Variants in TET1 observed in about 807,000 individuals in gnomAD.
TET1 encodes tet methylcytosine dioxygenase 1.
Under a neutral mutation model 148.7 loss-of-function variants are expected in TET1, and 13 were observed. The observed-to-expected ratio is 0.09, with a 90% CI of 0.06 to 0.14. The LOEUF is 0.14. Among genes scored for constraint, TET1 ranks in the 10% least tolerant of loss-of-function variants. The probability of loss-of-function intolerance (pLI) is 1.00; values close to 1 mark genes in which losing one functional copy is unlikely to be tolerated. For missense variants in TET1, 2,182 were observed against 2,553.8 expected, an observed-to-expected ratio of 0.85 and a Z score of 3.14; for synonymous variants, 907 against 937.2, an observed-to-expected ratio of 0.97 and a Z score of 0.59.
intron 2 of TET1, among the ~76,000 whole-genome samples, chr10:68,598,679 GT>G (rs35501955): frequency 0.13 from 19,214 of 144,926 alleles, 1,651 homozygotes; most frequent in South Asian, 0.25. Context: ...TATTCATTAG[GT>G]TTTTTTTTTC....
chr10:68,629,136 G>A (rs1292488290), intron 3 of TET1, among the ~76,000 whole-genome samples: 1 of 152,024 alleles, frequency 6.6e-6, no homozygotes, highest in African/African-American at 2.4e-5. Context: ...AGCCTGAGGT[G>A]GGGGGGTCAC....
At chr10:68,590,174 G>A (rs2053903354) in intron 2 of TET1, among the ~76,000 whole-genome samples, 1 of 152,004 alleles carries the variant, frequency 6.6e-6, no homozygotes, top group Non-Finnish European at 1.5e-5. Flanking sequence ...GTGCAGTAGT[G>A]TGATCATGGC....
rs1564975216 is a variant in TET1, at chr10:68,624,683, TCTCTCTCTCTC to T, written c.1969-20014_1969-20004del. On this transcript the variant is annotated intron_variant, in intron 3 of 11. Coordinates refer to ENST00000373644, the MANE Select transcript of TET1 (RefSeq NM_030625.3). Reference sequence around the variant, plus strand: ...TTCTCTCTCTCTCTCTCTCTCTCTCTCTCTCTCTCTCTCTTTCTTTCTTTTCCTTCCTTCTT... The same window carrying T: ...TTCTCTCTCTCTCTCTCTCTCTCTCTTCTTTCTTTCTTTTCCTTCCTTCTT... 3.0e-4 allele frequency among the ~76,000 whole-genome samples: 39 copies of T among 131,558 alleles called. 1 individual carries two copies. The highest frequency in any genetic ancestry group is 1.0e-3 in the South Asian group (4 of 3,910). 86.3% of individuals were successfully genotyped at this position (131,558 alleles called of 152,430 possible). A position where few individuals can be genotyped will look rare whatever the true frequency, so the allele number is the denominator to read the frequency against.
At chr10:68,675,564 ATTT>A (rs11313882) in intron 8 of TET1, among the ~76,000 whole-genome samples, 17 of 131,450 alleles carry the variant, frequency 1.3e-4, no homozygotes, top group Admixed American at 1.6e-4. Flanking sequence ...TATCCACGTC[ATTT>A]TTTTTTTTTT....
At chr10:68,571,446 G>A (rs956076440) in intron 1 of TET1, among the ~76,000 whole-genome samples, 5 of 151,668 alleles carry the variant, frequency 3.3e-5, no homozygotes, top group African/African-American at 1.2e-4. Context: ...TGAGATTATA[G>A]GTGTGCACCA....
At chr10:68,569,637 G>C (rs117050629) in intron 1 of TET1, among the ~76,000 whole-genome samples, 7,090 of 152,146 alleles carry the variant, frequency 0.047, 209 homozygotes, top group South Asian at 0.08. Context: ...ATATATAATG[G>C]CTAGGCATGC....
At chr10:68,685,366 G>A (rs546874010) in intron 10 of TET1, among the ~76,000 whole-genome samples, 134 of 152,000 alleles carry the variant, frequency 8.8e-4, no homozygotes, top group African/African-American at 3.1e-3. Flanking sequence ...TCCAGTCTTC[G>A]CTATCACTGA....
chr10:68,669,474 C>CTTTTTTTTTTTT (rs3085667), intron 7 of TET1, among the ~76,000 whole-genome samples: 11 of 61,614 alleles, frequency 1.8e-4, no homozygotes, highest in South Asian at 1.1e-3. Flanking sequence ...CCATGCCCAG[C>CTTTTTTTTTTTT]TTTTTTTTTT....
chr10:68,685,591 T>C (rs1308350337), intron 10 of TET1, among the ~76,000 whole-genome samples: 1 of 152,142 alleles, frequency 6.6e-6, no homozygotes, highest in African/African-American at 2.4e-5. Context: ...TGTTAGTTTT[T>C]AAAGCAGAAT....
At chr10:68,606,091 G>A (rs371091802) in intron 3 of TET1, among the ~76,000 whole-genome samples, 1 of 152,170 alleles carries the variant, frequency 6.6e-6, no homozygotes, top group African/African-American at 2.4e-5. Context: ...AATAGGCCAG[G>A]TTCGGTGGCT....
rs375179567 is a variant in TET1 at position 68,572,854 on chromosome 10, A to C, written c.516A>C (p.Leu172=). The change falls in exon 2 of 12, where the codon CTA becomes CTC. Residue 172 remains leucine, a synonymous_variant. Transcript: ENST00000373644. ...DTQVLPDIET[L]IGVQNPSLLK... The stretch of plus-strand genomic sequence containing the variant: ...AAGTCCTTCCTGATATAGAGACTCT[A>C]ATTGGTGTACAAAATCCCTCTTTAC... 1.5e-4 allele frequency: 247 copies of C among 1,614,028 alleles called. 1 individual carries two copies. Among genetic ancestry groups the C allele is most frequent in the Non-Finnish European group, 1.3e-4 (158 of 1,180,036 alleles).
At chr10:68,634,400 T>C (rs2054620513) in intron 3 of TET1, among the ~76,000 whole-genome samples, 1 of 152,196 alleles carries the variant, frequency 6.6e-6, no homozygotes. Flanking sequence ...ATCTGTACAA[T>C]CTAAGAAAGT....
At chr10:68,638,765 TTGTGTGTGTG>T (rs59106736) in intron 3 of TET1, among the ~76,000 whole-genome samples, 1,661 of 140,864 alleles carry the variant, frequency 0.012, 19 homozygotes, top group African/African-American at 0.03. Flanking sequence ...TGTATGGAGT[TTGTGTGTGTG>T]TGTGTGTGTG....
At chr10:68,600,203 A>G (rs2054035748) in intron 2 of TET1, among the ~76,000 whole-genome samples, 1 of 152,112 alleles carries the variant, frequency 6.6e-6, no homozygotes, top group South Asian at 2.1e-4. Flanking sequence ...CAGCAAGCCC[A>G]AATGCCCCCC....
At chr10:68,593,398 C>A (rs1339123394) in intron 2 of TET1, among the ~76,000 whole-genome samples, 1 of 151,536 alleles carries the variant, frequency 6.6e-6, no homozygotes, top group Non-Finnish European at 1.5e-5. Context: ...ATTTTAAGTT[C>A]TCTGAAATGG....
In TET1 at chr10:68,573,656, A is replaced by T. The variant is rs778059839; in HGVS notation, c.1318A>T (p.Ile440Phe). 1.9e-6 allele frequency: 3 copies of T among 1,613,892 alleles called. No individual in the cohort carries two copies. In the East Asian group the frequency reaches 6.7e-5, roughly 36 times the overall value. ...PVFLPVPPNPIATFNAPSKWP... is the reference protein window; with the variant it reads ...PVFLPVPPNPFATFNAPSKWP... ...CTTCCTTCCTGTTCCTCCAAATCCA[A>T]TTGCTACCTTTAATGCTCCTTCCAA... The change falls in exon 2 of 12, where the codon ATT becomes TTT. Residue 440 changes from isoleucine to phenylalanine, a missense_variant. Around this residue, in one of 11 missense-constraint regions of TET1, gnomAD observed 665 missense variants for 672.4 expected, o/e 0.99. Transcript: ENST00000373644.
At chr10:68,626,481 G>T (rs1002697949) in intron 3 of TET1, among the ~76,000 whole-genome samples, 3 of 151,208 alleles carry the variant, frequency 2.0e-5, no homozygotes, top group African/African-American at 7.3e-5. Flanking sequence ...GGTAACAGGT[G>T]TGAGCAACTG....
chr10:68,642,988 C>T (rs751504751), intron 3 of TET1, among the ~76,000 whole-genome samples: 3 of 151,966 alleles, frequency 2.0e-5, no homozygotes, highest in Non-Finnish European at 4.4e-5. Context: ...TTGGGTGCAG[C>T]GGCTCGTGTC....
At chr10:68,593,987 A>G (rs2053950129) in intron 2 of TET1, among the ~76,000 whole-genome samples, 1 of 121,788 alleles carries the variant, frequency 8.2e-6, no homozygotes, top group African/African-American at 3.2e-5. Flanking sequence ...ATGCAGTTGC[A>G]AGATCCCAGC....
Sources: allele counts gnomAD v4.1 joint callset (sites outside exome capture counted in the v4.1 genomes callset), GRCh38; gene constraint gnomAD v4.1.1; regional missense constraint gnomAD v4.1.1; transcripts MANE v1.5; gene names NCBI Gene and HGNC (gene_info 2026-07-23, HGNC 2026-07-21).